The following STK31 variants were observed in gnomAD, a reference collection of about 807,000 sequenced individuals.
STK31 encodes serine/threonine-protein kinase 31.
STK31 carries 89 observed loss-of-function variants against 129.7 expected under a neutral mutation model. That is an observed-to-expected ratio of 0.69 (90% confidence interval 0.58 to 0.82). STK31 has a LOEUF of 0.82. Among genes scored for constraint, STK31 ranks in the 40% least tolerant of loss-of-function variants. STK31 has a pLI of 0.00. For missense variants in STK31, 1,187 were observed against 1,176.4 expected, an observed-to-expected ratio of 1.01 and a Z score of -0.13; for synonymous variants, 448 against 395.3, an observed-to-expected ratio of 1.13 and a Z score of -1.58.
intron 23 of STK31, among the ~76,000 whole-genome samples, chr7:23,824,796 C>T (rs76120532): frequency 0.78 from 117,826 of 150,826 alleles, 47,013 homozygotes; most frequent in African/African-American, 0.95. Context: ...TATTGAGAGT[C>T]TTTAGCATGA....
intron 15 of STK31, among the ~76,000 whole-genome samples, chr7:23,773,311 T>G (rs1197620312): frequency 6.6e-6 from 1 of 152,116 alleles, no homozygotes; most frequent in African/African-American, 2.4e-5. Flanking sequence ...TCTGTTCCTG[T>G]GTTAGTTTGC....
intron 23 of STK31, among the ~76,000 whole-genome samples, chr7:23,825,649 G>T (rs13267185): frequency 0.33 from 49,414 of 151,928 alleles, 9,250 homozygotes; most frequent in African/African-American, 0.52. Flanking sequence ...AGCTTTTGAA[G>T]GTGTTTGCTC....
At chr7:23,761,264 A>G (rs1294367631) in intron 10 of STK31, among the ~76,000 whole-genome samples, 1 of 152,022 alleles carries the variant, frequency 6.6e-6, no homozygotes. Flanking sequence ...TACTTGATAG[A>G]TGGAAGTGTA....
At chr7:23,729,341 A>T (rs1787262026) in intron 6 of STK31, 92 bp downstream of exon 6, 2 of 1,185,168 alleles carry the variant, frequency 1.7e-6, no homozygotes, top group Non-Finnish European at 2.3e-6. Flanking sequence ...ACTTTAATAT[A>T]AAAGTCTGTA....
At chr7:23,742,820 C>T (rs1342603421) in intron 8 of STK31, among the ~76,000 whole-genome samples, 1 of 152,114 alleles carries the variant, frequency 6.6e-6, no homozygotes, top group Non-Finnish European at 1.5e-5. Flanking sequence ...CACACACTAT[C>T]TAGTTGGCCA....
chr7:23,827,396 T>G (rs1327313364), intron 23 of STK31, among the ~76,000 whole-genome samples: 1 of 152,236 alleles, frequency 6.6e-6, no homozygotes. Context: ...CGTCGGTTAC[T>G]GAGTCTTGTG....
At chr7:23,816,404 A>G (rs1793474804) in intron 23 of STK31, among the ~76,000 whole-genome samples, 1 of 152,200 alleles carries the variant, frequency 6.6e-6, no homozygotes, top group African/African-American at 2.4e-5. Context: ...TTTAGTTTAA[A>G]CTTAAAACTT....
chr7:23,711,234 C>G (rs1199963647), intron 1 of STK31, among the ~76,000 whole-genome samples: 2 of 152,042 alleles, frequency 1.3e-5, no homozygotes, highest in Admixed American at 1.3e-4. Context: ...GTCAGGAGTT[C>G]AAGACCAGCC....
In STK31 at chr7:23,717,481, A is replaced by G. The variant is rs1204653428; in HGVS notation, c.151A>G (p.Ser51Gly). 6.3e-7 allele frequency: 1 copy of G among 1,590,776 alleles called. No individual in the cohort carries two copies. Among genetic ancestry groups the G allele is most frequent in the South Asian group, 1.1e-5 (1 of 90,086 alleles). Residue 51 changes from serine to glycine, a missense_variant and splice_region_variant, in exon 4 of 24, where the codon AGT becomes GGT. Ser to Gly is a moderately conservative substitution (Grantham distance 56, BLOSUM62 0). This residue lies in a region of STK31 where 104 missense variants were observed against 98.3 expected (regional missense o/e 1.06). Transcript: ENST00000355870. ...CTTATACTATATCTAATCTTTCTAGAGTATCAATAGAAATAAGGATATCAT... is the reference window on the plus strand; with the variant it reads ...CTTATACTATATCTAATCTTTCTAGGGTATCAATAGAAATAAGGATATCAT... ...IEDAVTFWAQ[S>G]INRNKDIMKI...
At chr7:23,798,298 A>C (rs1792128647) in intron 22 of STK31, among the ~76,000 whole-genome samples, 1 of 152,168 alleles carries the variant, frequency 6.6e-6, no homozygotes, top group Admixed American at 6.5e-5. Flanking sequence ...ACACAACAAA[A>C]AAAGAAAATT....
At position 23,710,325 on chromosome 7, in the gene STK31, G is replaced by T. The variant is rs1369485527; in HGVS notation, c.40G>T (p.Glu14Ter). ...TCACTCTTCTAGAGCTTCCGCAACGGAAAGTGTGAGGTCAGTAGTAGTTTT... is the reference window on the plus strand; with the variant it reads ...TCACTCTTCTAGAGCTTCCGCAACGTAAAGTGTGAGGTCAGTAGTAGTTTT... ...QGHSSRASATESVSFSGIVQM... is the reference protein window; with the variant it reads ...QGHSSRASAT The change falls in exon 1 of 24, where the codon GAA (glutamate) becomes TAA (stop). Residue 14 changes from glutamate (E) to a stop codon, truncating the protein, a stop_gained. Transcript: ENST00000355870. LOFTEE classifies it high-confidence loss of function. The T allele has an allele frequency of 2.5e-6, 4 of 1,613,376 alleles. No individual in the cohort carries two copies. Among genetic ancestry groups the T allele is most frequent in the African/African-American group, 1.3e-5 (1 of 74,936 alleles).
At position 23,769,057 on chromosome 7, in the gene STK31, A is replaced by C. The variant is rs775392611; in HGVS notation, c.1479A>C (p.Glu493Asp). 7 of 1,613,144 alleles carry C rather than the reference A, an allele frequency of 4.3e-6. No homozygotes were observed. The highest frequency in any genetic ancestry group is 5.9e-6 in the Non-Finnish European group (7 of 1,179,476). The change falls in exon 12 of 24, where the codon GAA becomes GAC. Residue 493 changes from glutamate (E) to aspartate (D), a missense_variant. Glu to Asp is a conservative substitution (Grantham distance 45). Transcript: ENST00000355870. Reference sequence around the variant, plus strand: ...CCAAAGAAGGAGCAAATTCTGATGAAATACTTAAAAAATTTTATGACTGGA... The same window carrying C: ...CCAAAGAAGGAGCAAATTCTGATGACATACTTAAAAAATTTTATGACTGGA... Reference protein sequence around the residue: ...GQAKEGANSDEILKKFYDWKC... With the variant: ...GQAKEGANSDDILKKFYDWKC...
intron 7 of STK31, among the ~76,000 whole-genome samples, chr7:23,736,148 T>C (rs988099275): frequency 6.6e-6 from 1 of 152,226 alleles, no homozygotes; most frequent in African/African-American, 2.4e-5. Flanking sequence ...ATGCCAACTA[T>C]TTGGAATACA....
chr7:23,797,974 C>T (rs1792084004), intron 22 of STK31, among the ~76,000 whole-genome samples: 1 of 152,222 alleles, frequency 6.6e-6, no homozygotes, highest in South Asian at 2.1e-4. Context: ...ATAAACACCT[C>T]TATGCAAATC....
intron 22 of STK31, among the ~76,000 whole-genome samples, chr7:23,807,866 T>C (rs1792811564): frequency 6.6e-6 from 1 of 152,078 alleles, no homozygotes; most frequent in Non-Finnish European, 1.5e-5. Context: ...TTACTGTTTT[T>C]CTGTTATAAA....
At chr7:23,724,697 C>A (rs1786948756) in intron 4 of STK31, among the ~76,000 whole-genome samples, 1 of 152,166 alleles carries the variant, frequency 6.6e-6, no homozygotes. Context: ...TTGCTACTTA[C>A]CCCTGTCTTC....
chr7:23,721,626 G>T (rs371025486), intron 4 of STK31: 22 of 878,644 alleles, frequency 2.5e-5, no homozygotes, highest in Non-Finnish European at 3.9e-5. Context: ...AGTGTGCGTC[G>T]AATGTAAATA....
At chr7:23,721,604 A>G in intron 4 of STK31, 1 of 955,652 alleles carries the variant, frequency 1.0e-6, no homozygotes, top group South Asian at 1.3e-5. Flanking sequence ...CTCATCATTT[A>G]TGAAATTTCT....
chr7:23,769,477 T>G, intron 12 of STK31, among the ~76,000 whole-genome samples, 163 bp from the exon 13 acceptor site: 1 of 152,172 alleles, frequency 6.6e-6, no homozygotes, highest in East Asian at 1.9e-4. Context: ...ACCTTTTCCT[T>G]TCAGTGCATA....
Sources: gnomAD v4.1 joint callset for allele counts (sites outside exome capture counted in the v4.1 genomes callset) on GRCh38, gnomAD v4.1.1 for gene constraint, gnomAD v4.1.1 regional missense constraint, MANE v1.5 for transcripts, NCBI Gene and HGNC (gene_info 2026-07-23, HGNC 2026-07-21) for gene names.